The following STXBP5L variants were observed in gnomAD, a reference collection of about 807,000 sequenced individuals.
STXBP5L encodes the protein syntaxin-binding protein 5-like.
STXBP5L carries 65 observed loss-of-function variants against 144.5 expected under a neutral mutation model. The ratio of observed to expected loss-of-function variants is 0.45; its 90% confidence interval spans 0.37 to 0.55. STXBP5L has a LOEUF of 0.55. Ranked by LOEUF, STXBP5L falls within the 20% of genes least tolerant of loss-of-function variation. The probability of loss-of-function intolerance (pLI) is 0.00; values close to 1 mark genes in which losing one functional copy is unlikely to be tolerated. For synonymous variants in STXBP5L, 505 were observed against 469.6 expected (o/e 1.08, Z -0.97); for missense variants, 1,298 against 1,405.5 (o/e 0.92, Z 1.22).
At chr3:120,965,474 G>A (rs1425706952) in intron 3 of STXBP5L, among the ~76,000 whole-genome samples, 1 of 152,144 alleles carries the variant, frequency 6.6e-6, no homozygotes, top group African/African-American at 2.4e-5. Flanking sequence ...CAGGCCTGGT[G>A]TGACAAAATT....
intron 19 of STXBP5L, among the ~76,000 whole-genome samples, chr3:121,315,728 G>T (rs939033811): frequency 2.0e-5 from 3 of 152,054 alleles, no homozygotes; most frequent in African/African-American, 7.2e-5. Flanking sequence ...GGGGCCAGGC[G>T]TGATGGCTCA....
At chr3:120,921,709 C>T (rs147336115) in intron 2 of STXBP5L, among the ~76,000 whole-genome samples, 110 of 152,012 alleles carry the variant, frequency 7.2e-4, no homozygotes, top group African/African-American at 2.6e-3. Context: ...TTTCCCAGCA[C>T]CATTTGTTGA....
intron 20 of STXBP5L, among the ~76,000 whole-genome samples, chr3:121,345,722 C>G (rs969672559): frequency 2.0e-5 from 3 of 152,046 alleles, no homozygotes; most frequent in African/African-American, 7.2e-5. Flanking sequence ...GAGATGGTAT[C>G]TCATTGTGGT....
chr3:121,021,957 A>G (rs1399815769), intron 3 of STXBP5L, among the ~76,000 whole-genome samples: 1 of 152,146 alleles, frequency 6.6e-6, no homozygotes, highest in East Asian at 1.9e-4. Flanking sequence ...TAAAAAATAT[A>G]CAAAAGACAA....
At chr3:121,079,183 C>T (rs1167398396) in intron 5 of STXBP5L, among the ~76,000 whole-genome samples, 1 of 152,174 alleles carries the variant, frequency 6.6e-6, no homozygotes, top group African/African-American at 2.4e-5. Context: ...GACATATGTC[C>T]AGAAAGTCTG....
Position 121,114,911 on chromosome 3 carries a change from T to G in STXBP5L, c.471-14T>G. 6.8e-7 allele frequency: 1 copy of G among 1,462,530 alleles called. No homozygotes were observed. Among genetic ancestry groups the G allele is most frequent in the Non-Finnish European group, 9.1e-7 (1 of 1,101,784 alleles). 90.6% of individuals were successfully genotyped at this position (1,462,530 alleles called of 1,614,324 possible). On this transcript the variant is annotated splice_polypyrimidine_tract_variant and intron_variant, in intron 5 of 26. Coordinates refer to ENST00000471454, the MANE Select transcript of STXBP5L (RefSeq NM_001308330.2). The stretch of plus-strand genomic sequence containing the variant: ...AAAATTTAGATATTTTAATTATAAT[T>G]TTCTTTCTTTCAGAATTACTTACTG...
At chr3:120,945,599 G>GT (rs1456279074) in intron 2 of STXBP5L, among the ~76,000 whole-genome samples, 4 of 151,560 alleles carry the variant, frequency 2.6e-5, no homozygotes, top group Admixed American at 1.3e-4. Context: ...TAGAAATGAA[G>GT]TTTTTTTTAA....
chr3:120,987,784 G>T (rs1026046450), intron 3 of STXBP5L, among the ~76,000 whole-genome samples: 1 of 151,548 alleles, frequency 6.6e-6, no homozygotes, highest in Non-Finnish European at 1.5e-5. Context: ...GTCTTAATTT[G>T]ATTTTGTTAT....
chr3:121,409,128 T>C (rs2108745396), intron 23 of STXBP5L, among the ~76,000 whole-genome samples: 1 of 151,894 alleles, frequency 6.6e-6, no homozygotes. Flanking sequence ...TGTAAATGCA[T>C]CAGTAAAAGT....
intron 5 of STXBP5L, among the ~76,000 whole-genome samples, chr3:121,056,025 G>T (rs957372119): frequency 6.6e-6 from 1 of 151,652 alleles, no homozygotes. Flanking sequence ...GGCTAGACTT[G>T]AACTACTGGG....
chr3:121,324,640 T>G (rs1168515599), intron 20 of STXBP5L: 1 of 637,738 alleles, frequency 1.6e-6, no homozygotes, highest in African/African-American at 1.8e-5. Flanking sequence ...TCTTCACAAT[T>G]TTCTAGGCTT....
At chr3:121,265,632 T>C (rs2050536921) in intron 18 of STXBP5L, among the ~76,000 whole-genome samples, 1 of 152,106 alleles carries the variant, frequency 6.6e-6, no homozygotes, top group South Asian at 2.1e-4. Flanking sequence ...AGAGCAGAAC[T>C]GAAGGTGATA....
intron 3 of STXBP5L, among the ~76,000 whole-genome samples, chr3:121,019,336 C>G (rs1030382404): frequency 6.6e-6 from 1 of 152,126 alleles, no homozygotes; most frequent in South Asian, 2.1e-4. Flanking sequence ...GCTGTATTGG[C>G]CTGCACACTA....
intron 5 of STXBP5L, among the ~76,000 whole-genome samples, chr3:121,053,182 G>T (rs1343408444): frequency 1.3e-5 from 2 of 152,168 alleles, no homozygotes; most frequent in African/African-American, 4.8e-5. Flanking sequence ...ATAATTTATA[G>T]ATTCAATGCC....
chr3:120,988,999 C>T (rs1942572233), intron 3 of STXBP5L, among the ~76,000 whole-genome samples: 1 of 152,056 alleles, frequency 6.6e-6, no homozygotes, highest in African/African-American at 2.4e-5. Flanking sequence ...TGATTTCATT[C>T]TTTTTTTAAG....
intron 20 of STXBP5L, among the ~76,000 whole-genome samples, chr3:121,376,314 C>T (rs1159229016): frequency 6.6e-6 from 1 of 152,164 alleles, no homozygotes; most frequent in Admixed American, 6.6e-5. Context: ...ATGTACCCTT[C>T]TTAACTGCAC....
chr3:121,096,489 G>T (rs926449469), intron 5 of STXBP5L, among the ~76,000 whole-genome samples: 1 of 152,132 alleles, frequency 6.6e-6, no homozygotes, highest in African/African-American at 2.4e-5. Context: ...CCATCTTCAT[G>T]GATTTATCTA....
chr3:120,975,289 T>A (rs1940828869), intron 3 of STXBP5L, among the ~76,000 whole-genome samples: 1 of 152,232 alleles, frequency 6.6e-6, no homozygotes, highest in South Asian at 2.1e-4. Context: ...CTAGGTGTTT[T>A]ATTCTCTTTG....
At chr3:121,282,332 A>G (rs1295844761) in intron 19 of STXBP5L, 1 of 1,611,210 alleles carries the variant, frequency 6.2e-7, no homozygotes. Flanking sequence ...CGTACTTCCT[A>G]TCAGAGTAAG....
Sources: gnomAD v4.1 joint callset for allele counts (sites outside exome capture counted in the v4.1 genomes callset) on GRCh38, gnomAD v4.1.1 for gene constraint, MANE v1.5 for transcripts, NCBI Gene and HGNC (gene_info 2026-07-23, HGNC 2026-07-21) for gene names.